Variants in SMYD3 observed in about 807,000 individuals in gnomAD.
SMYD3 encodes histone-lysine N-methyltransferase SMYD3.
In SMYD3, 36 loss-of-function variants were observed where a neutral mutation model predicts 57.7. The ratio of observed to expected loss-of-function variants is 0.62; its 90% CI spans 0.48 to 0.82. SMYD3 has a LOEUF of 0.82. Among genes scored for constraint, SMYD3 ranks in the 40% least tolerant of loss-of-function variants. SMYD3 has a pLI of 0.00. For missense variants in SMYD3, 515 were observed against 538.8 expected, an observed-to-expected ratio of 0.96 and a Z score of 0.44; for synonymous variants, 211 against 195.0, an observed-to-expected ratio of 1.08 and a Z score of -0.68.
In SMYD3 at chr1:246,086,885, G is replaced by A. The variant is rs969149653; in HGVS notation, c.532-156948C>T. Reference sequence around the variant, plus strand: ...TTTTCCTGATGCTCTCCCTCCCCTCGCCCTTCCGACAGGCCCAGTGTGTGT... The same window carrying A: ...TTTTCCTGATGCTCTCCCTCCCCTCACCCTTCCGACAGGCCCAGTGTGTGT... On this transcript the variant is annotated intron_variant, in intron 5 of 11. Coordinates refer to ENST00000490107, the MANE Select transcript of SMYD3 (RefSeq NM_001167740.2). 3.3e-5 allele frequency among the ~76,000 whole-genome samples: 5 copies of A among 151,680 alleles called. No individual in the cohort carries two copies. The East Asian group carries it at 5.8e-4, about 18-fold the overall frequency.
intron 1 of SMYD3, among the ~76,000 whole-genome samples, chr1:246,362,786 T>C (rs1480040372): frequency 6.6e-6 from 1 of 152,176 alleles, no homozygotes; most frequent in Admixed American, 6.5e-5. Flanking sequence ...CAGGCTGGAG[T>C]GCAGTGGCGT....
At chr1:246,361,988 T>C (rs777155556) in intron 1 of SMYD3, among the ~76,000 whole-genome samples, 5 of 152,118 alleles carry the variant, frequency 3.3e-5, no homozygotes, top group Non-Finnish European at 5.9e-5. Context: ...TAATAACGCA[T>C]GGCCCTGGAC....
intron 10 of SMYD3, among the ~76,000 whole-genome samples, chr1:245,794,974 T>C (rs919459266): frequency 6.6e-6 from 1 of 152,216 alleles, no homozygotes; most frequent in Admixed American, 6.5e-5. Flanking sequence ...GAATTTCTGA[T>C]TGTGAATCTC....
intron 1 of SMYD3, among the ~76,000 whole-genome samples, chr1:246,363,667 T>C (rs1319402639): frequency 6.6e-6 from 1 of 152,104 alleles, no homozygotes; most frequent in Non-Finnish European, 1.5e-5. Flanking sequence ...CCACTCAGGG[T>C]TGAATGGATT....
intron 1 of SMYD3, among the ~76,000 whole-genome samples, chr1:246,412,673 A>G (rs1331745119): frequency 6.6e-6 from 1 of 152,126 alleles, no homozygotes. Context: ...CCTGGCCAAC[A>G]TTGTGAAACT....
intron 1 of SMYD3, among the ~76,000 whole-genome samples, chr1:246,367,425 G>T (rs1217303254): frequency 1.3e-5 from 2 of 152,182 alleles, no homozygotes; most frequent in African/African-American, 4.8e-5. Context: ...AAAGTATGGT[G>T]GTCTCAGAAA....
At chr1:246,163,361 A>G (rs981186895) in intron 5 of SMYD3, among the ~76,000 whole-genome samples, 1 of 152,250 alleles carries the variant, frequency 6.6e-6, no homozygotes. Context: ...AACACTGCTA[A>G]GCATTCATGA....
chr1:245,779,671 A>G (rs2046753792), intron 10 of SMYD3, among the ~76,000 whole-genome samples: 1 of 152,150 alleles, frequency 6.6e-6, no homozygotes, highest in Non-Finnish European at 1.5e-5. Context: ...CAACTTATCA[A>G]CTTGTAAGAT....
At chr1:245,884,770 T>C (rs541364023) in intron 8 of SMYD3, among the ~76,000 whole-genome samples, 63 of 40,768 alleles carry the variant, frequency 1.5e-3, no homozygotes, top group Non-Finnish European at 2.8e-3. Context: ...CAGCGCTCTG[T>C]GTCTAGCTAA....
chr1:245,765,698 C>T (rs778761300), intron 10 of SMYD3, among the ~76,000 whole-genome samples: 12 of 152,048 alleles, frequency 7.9e-5, no homozygotes, highest in Non-Finnish European at 1.5e-4. Context: ...AGAAGGGAAG[C>T]ATATCCCAAC....
At chr1:246,269,968 G>C (rs2064188761) in intron 5 of SMYD3, among the ~76,000 whole-genome samples, 1 of 152,160 alleles carries the variant, frequency 6.6e-6, no homozygotes, top group African/African-American at 2.4e-5. Context: ...CAGAGACAGA[G>C]TTTTCAAATT....
At chr1:245,828,083 G>T (rs4654125) in intron 10 of SMYD3, among the ~76,000 whole-genome samples, 127,195 of 151,768 alleles carry the variant, frequency 0.84, 54,787 homozygotes, top group Non-Finnish European at 0.95. Context: ...ATACTGAACA[G>T]AAAGAAAGGA....
intron 8 of SMYD3, among the ~76,000 whole-genome samples, chr1:245,866,697 AC>A (rs758225322): frequency 6.6e-5 from 10 of 152,134 alleles, no homozygotes; most frequent in Non-Finnish European, 1.3e-4. Context: ...ACGCCACTGC[AC>A]TCCAGCCTGG....
intron 10 of SMYD3, among the ~76,000 whole-genome samples, chr1:245,776,127 T>A (rs1193860759): frequency 6.6e-6 from 1 of 152,260 alleles, no homozygotes; most frequent in Non-Finnish European, 1.5e-5. Flanking sequence ...TTCTTTACAA[T>A]TCTTTAAACA....
chr1:246,025,722 A>T (rs1282020973), intron 5 of SMYD3, among the ~76,000 whole-genome samples: 1 of 152,200 alleles, frequency 6.6e-6, no homozygotes, highest in Non-Finnish European at 1.5e-5. Context: ...TCCCTTTGTC[A>T]TCTGAGTGAT....
chr1:245,804,072 T>C (rs1373855540), intron 10 of SMYD3, among the ~76,000 whole-genome samples: 1 of 151,472 alleles, frequency 6.6e-6, no homozygotes, highest in African/African-American at 2.4e-5. Context: ...ACCACCACAC[T>C]CGGGTAATTT....
Position 246,330,482 on chromosome 1 carries a change from G to T in SMYD3, c.392C>A (p.Ser131Ter). The change falls in exon 4 of 12, where the codon TCA (serine) becomes TAA (stop). Residue 131 changes from serine (S) to a stop codon, truncating the protein, a stop_gained and splice_region_variant. Transcript: ENST00000490107. LOFTEE classifies it high-confidence loss of function. ...GATGCTGATAGACAATCACTTACTT[G>T]ACTCCAGATCATAAAATGAGTAAAG... ...EKLYSFYDLE[S>*]NINKLTEDKK... 6.3e-7 allele frequency: 1 copy of T among 1,582,630 alleles called. No individual in the cohort carries two copies. The highest frequency in any genetic ancestry group is 1.2e-5 in the South Asian group (1 of 82,006).
chr1:245,760,354 C>T (rs2148037285), intron 11 of SMYD3, among the ~76,000 whole-genome samples: 1 of 152,284 alleles, frequency 6.6e-6, no homozygotes, highest in Non-Finnish European at 1.5e-5. Flanking sequence ...AGTATAGCCT[C>T]CCTTTTCCCT....
chr1:245,987,972 G>A (rs2058735956), intron 5 of SMYD3, among the ~76,000 whole-genome samples: 1 of 152,204 alleles, frequency 6.6e-6, no homozygotes, highest in South Asian at 2.1e-4. Flanking sequence ...TGGCATGGAG[G>A]CCAGAAAACT....
Sources: gnomAD v4.1 joint callset for allele counts (sites outside exome capture counted in the v4.1 genomes callset) on GRCh38, gnomAD v4.1.1 for gene constraint, MANE v1.5 for transcripts, NCBI Gene and HGNC (gene_info 2026-07-23, HGNC 2026-07-21) for gene names.